TLN2: variants seen among roughly 807,000 people sequenced by gnomAD.
TLN2 encodes the protein talin 2, also known as talin-2.
In TLN2, 118 loss-of-function variants were observed where a neutral mutation model predicts 294.7. That is an observed-to-expected ratio of 0.40 (90% CI 0.34 to 0.47). TLN2 has a LOEUF of 0.47. Ranked by LOEUF, TLN2 falls within the 20% of genes least tolerant of loss-of-function variation. The probability of loss-of-function intolerance (pLI) is 0.84; values close to 1 mark genes in which losing one functional copy is unlikely to be tolerated. For missense variants in TLN2, 3,083 were observed against 3,282.2 expected (o/e 0.94, Z 1.48); for synonymous variants, 1,431 against 1,304.5 (o/e 1.10, Z -2.09).
chr15:62,461,157 C>T (rs534792171), intron 1 of TLN2, among the ~76,000 whole-genome samples: 2 of 152,174 alleles, frequency 1.3e-5, no homozygotes, highest in South Asian at 2.1e-4. Context: ...ACCATATTGG[C>T]CAGGCTGGTC....
intron 55 of TLN2, 38 bp from the exon 56 acceptor site, chr15:62,835,699 C>T: frequency 6.2e-7 from 1 of 1,612,776 alleles, no homozygotes; most frequent in Non-Finnish European, 8.5e-7. Context: ...ACTGGGGCTG[C>T]CTGCCCTCAT....
intron 41 of TLN2, among the ~76,000 whole-genome samples, chr15:62,766,893 A>G (rs773286110): frequency 1.3e-5 from 2 of 152,178 alleles, no homozygotes; most frequent in Non-Finnish European, 2.9e-5. Context: ...TGGATGACCA[A>G]ACCCTCCCTA....
At chr15:62,570,779 A>G (rs2043802925) in intron 1 of TLN2, among the ~76,000 whole-genome samples, 1 of 152,228 alleles carries the variant, frequency 6.6e-6, no homozygotes, top group African/African-American at 2.4e-5. Flanking sequence ...TCCCCAGACA[A>G]CACTGAATGT....
intron 1 of TLN2, among the ~76,000 whole-genome samples, chr15:62,586,019 G>T (rs1391358718): frequency 6.8e-6 from 1 of 146,624 alleles, no homozygotes; most frequent in Admixed American, 6.9e-5. Context: ...GGAAACTGAG[G>T]CACAGAGAGG....
In TLN2 at chr15:62,727,200, C is replaced by A; in HGVS notation, c.3358+11C>A. On this transcript the variant is annotated intron_variant, in intron 28 of 58. Transcript: ENST00000636159. ...ACGAACACTACACAGGTGAGACCCA[C>A]GCCCTTCATGCCACTGTGGCCAGCT... The A allele has an allele frequency of 6.2e-7, 1 of 1,609,568 alleles. No homozygotes were observed. Among genetic ancestry groups the A allele is most frequent in the Non-Finnish European group, 8.5e-7 (1 of 1,177,480 alleles).
rs1019876528 is a variant in TLN2 at position 62,692,917 on chromosome 15, C to T, written c.1191C>T (p.Gly397=). ...AGCAGATATCCCAGCTGATTGCAGGCTACATTGACATCATCCTGAAAAAGG... is the reference window on the plus strand; with the variant it reads ...AGCAGATATCCCAGCTGATTGCAGGTTACATTGACATCATCCTGAAAAAGG... The part of the protein sequence containing the change: ...EGEQISQLIA[G]YIDIILKKKQ... The change falls in exon 13 of 59, where the codon GGC becomes GGT. Residue 397 remains glycine (G), a synonymous_variant. Transcript: ENST00000636159. The T allele has an allele frequency of 6.2e-6, 10 of 1,612,282 alleles. No individual in the cohort carries two copies. The highest frequency in any genetic ancestry group is 7.6e-6 in the Non-Finnish European group (9 of 1,179,276).
At chr15:62,470,101 C>T (rs957678620) in intron 1 of TLN2, among the ~76,000 whole-genome samples, 1 of 152,206 alleles carries the variant, frequency 6.6e-6, no homozygotes, top group Non-Finnish European at 1.5e-5. Context: ...CAAAGGGTTT[C>T]AGCAACTAAC....
chr15:62,429,947 A>G (rs1260537725), intron 1 of TLN2, among the ~76,000 whole-genome samples: 1 of 152,238 alleles, frequency 6.6e-6, no homozygotes, highest in East Asian at 1.9e-4. Flanking sequence ...TACATAACCG[A>G]TATAAATGCG....
intron 1 of TLN2, among the ~76,000 whole-genome samples, chr15:62,499,296 G>A (rs1567033575): frequency 1.3e-5 from 2 of 151,998 alleles, no homozygotes; most frequent in Non-Finnish European, 2.9e-5. Context: ...CAAAAAATAC[G>A]AAAATTAGCC....
intron 45 of TLN2, among the ~76,000 whole-genome samples, chr15:62,788,058 C>G (rs1355321376): frequency 6.6e-6 from 1 of 150,822 alleles, no homozygotes; most frequent in African/African-American, 2.4e-5. Context: ...CGCCTGTAAT[C>G]CCAACACTTT....
intron 1 of TLN2, among the ~76,000 whole-genome samples, chr15:62,393,358 A>G (rs1473365412): frequency 6.6e-6 from 1 of 152,212 alleles, no homozygotes; most frequent in African/African-American, 2.4e-5. Context: ...GGCATAGGCT[A>G]TATATGTGTT....
At chr15:62,661,803 T>G (rs1056104181) in intron 9 of TLN2, among the ~76,000 whole-genome samples, 26 of 152,114 alleles carry the variant, frequency 1.7e-4, no homozygotes, top group African/African-American at 6.3e-4. Flanking sequence ...AAAATGTAGC[T>G]GCTGGAGCAG....
At chr15:62,695,087 T>G (rs1345969862) in intron 14 of TLN2, among the ~76,000 whole-genome samples, 1 of 152,218 alleles carries the variant, frequency 6.6e-6, no homozygotes, top group African/African-American at 2.4e-5. Flanking sequence ...TGTTTTAAAT[T>G]CATGGTATTC....
At chr15:62,567,671 C>A (rs1026333023) in intron 1 of TLN2, among the ~76,000 whole-genome samples, 1 of 152,128 alleles carries the variant, frequency 6.6e-6, no homozygotes, top group African/African-American at 2.4e-5. Context: ...CCCGTGTCTA[C>A]TAAAACTACA....
At chr15:62,570,095 T>C (rs557949559) in intron 1 of TLN2, among the ~76,000 whole-genome samples, 1 of 152,334 alleles carries the variant, frequency 6.6e-6, no homozygotes, top group African/African-American at 2.4e-5. Context: ...TTAAGACTCT[T>C]CAGGGCTGTT....
At chr15:62,819,319 A>G (rs1016763224) in intron 52 of TLN2, among the ~76,000 whole-genome samples, 197 bp from the exon 53 acceptor site, 5 of 152,228 alleles carry the variant, frequency 3.3e-5, no homozygotes, top group Non-Finnish European at 7.4e-5. Context: ...CTGGTTCCCA[A>G]CCTTTTATTT....
Position 62,752,368 on chromosome 15 carries a change from G to T in TLN2, c.4273G>T (p.Gly1425Trp). 1.2e-6 allele frequency: 2 copies of T among 1,614,166 alleles called. No homozygotes were observed. Among genetic ancestry groups the T allele is most frequent in the Non-Finnish European group, 1.7e-6 (2 of 1,180,038 alleles). Residue 1425 changes from glycine to tryptophan, a missense_variant, in exon 35 of 59, where the codon GGG becomes TGG. Transcript: ENST00000636159. The stretch of plus-strand genomic sequence containing the variant: ...CAAGACCGGAGACCTCCCTGCCTTT[G>T]GGGAATGTGTGGGGATTGCATCCAA... ...NAKTGDLPAF[G>W]ECVGIASKAL...
At chr15:62,456,290 C>A (rs1249647503) in intron 1 of TLN2, among the ~76,000 whole-genome samples, 2 of 152,206 alleles carry the variant, frequency 1.3e-5, no homozygotes. Context: ...CCTCCTACTT[C>A]CTAGCAATTT....
chr15:62,513,102 T>C (rs1224552206), intron 1 of TLN2, among the ~76,000 whole-genome samples: 2 of 152,168 alleles, frequency 1.3e-5, no homozygotes, highest in East Asian at 3.9e-4. Flanking sequence ...CATTCCCAAG[T>C]TCTCCACTTT....
Sources: allele counts gnomAD v4.1 joint callset (sites outside exome capture counted in the v4.1 genomes callset), GRCh38; gene constraint gnomAD v4.1.1; transcripts MANE v1.5; gene names NCBI Gene and HGNC (gene_info 2026-07-23, HGNC 2026-07-21).